The following CDK8 variants were observed in gnomAD, a reference collection of about 807,000 sequenced individuals.
The protein encoded by CDK8 is cyclin-dependent kinase 8.
A neutral mutation model predicts 71.5 loss-of-function variants in CDK8; 29 were observed. The observed-to-expected ratio is 0.41, with a 90% CI of 0.30 to 0.55. The LOEUF is 0.55. Among genes scored for constraint, CDK8 ranks in the 20% least tolerant of loss-of-function variants. The probability of loss-of-function intolerance (pLI) is 0.37; values close to 1 mark genes in which losing one functional copy is unlikely to be tolerated. For missense variants in CDK8, 288 were observed against 572.6 expected (o/e 0.50, Z 5.07); for synonymous variants, 161 against 192.1 (o/e 0.84, Z 1.34).
intron 8 of CDK8, 74 bp downstream of exon 8, chr13:26,396,428 A>G (rs1360751078): frequency 5.7e-6 from 3 of 523,786 alleles, no homozygotes; most frequent in Non-Finnish European, 1.0e-5. Flanking sequence ...TGAATATTCA[A>G]CATAATAAAA....
In CDK8 at chr13:26,266,644, A is replaced by G. The variant is rs575932557; in HGVS notation, c.128+11875A>G. Among the ~76,000 whole-genome samples the G allele has an allele frequency of 3.9e-5, 6 of 152,306 alleles. No individual in the cohort carries two copies. In the East Asian group the frequency reaches 7.7e-4, roughly 20 times the overall value. Reference sequence around the variant, plus strand: ...AAATAAACGAAATAAAACTTCAGCTAAAGATTTTTGGATACCAAAGCTTAA... The same window carrying G: ...AAATAAACGAAATAAAACTTCAGCTGAAGATTTTTGGATACCAAAGCTTAA... On this transcript the variant is annotated intron_variant, in intron 1 of 12. Coordinates refer to ENST00000381527, the MANE Select transcript of CDK8 (RefSeq NM_001260.3).
rs186574081 is a variant in CDK8 at position 26,364,781 on chromosome 13, C to T, written c.456+10901C>T. 1.7e-4 allele frequency among the ~76,000 whole-genome samples: 26 copies of T among 152,206 alleles called. 1 individual carries two copies. Among genetic ancestry groups the T allele is most frequent in the Admixed American group, 1.6e-3 (24 of 15,290 alleles). ...TTTAAAATAGCCATATATACACTTT[C>T]TTTCTTTCTAAAAAGAGGCATTAGT... On this transcript the variant is annotated intron_variant, in intron 4 of 12. Coordinates refer to ENST00000381527, the MANE Select transcript of CDK8 (RefSeq NM_001260.3).
At chr13:26,393,123 T>A (rs147014263) in intron 6 of CDK8, among the ~76,000 whole-genome samples, 1 of 152,190 alleles carries the variant, frequency 6.6e-6, no homozygotes, top group Non-Finnish European at 1.5e-5. Context: ...GGTATGGAGG[T>A]ATACAGAATG....
chr13:26,362,222 AGATGGATGGATGGATGGATGGATGGATG>A (rs66479948), intron 4 of CDK8, among the ~76,000 whole-genome samples: 1 of 146,654 alleles, frequency 6.8e-6, no homozygotes, highest in Non-Finnish European at 1.5e-5. Context: ...GATAGATGAT[AGATGGATGGATGGATGGATGGATGGATG>A]GATGGATGGA....
chr13:26,278,693 A>T lies in CDK8; in HGVS notation c.128+23924A>T, dbSNP rs575566798. On this transcript the variant is annotated intron_variant, in intron 1 of 12. Transcript: ENST00000381527. Reference sequence around the variant, plus strand: ...AAAGATGTTAAATTATTCCAAAAGTAATAGACACTGACTTGGAGAGGTTTT... The same window carrying T: ...AAAGATGTTAAATTATTCCAAAAGTTATAGACACTGACTTGGAGAGGTTTT... Among the ~76,000 whole-genome samples the T allele has an allele frequency of 5.3e-5, 8 of 152,260 alleles. No homozygotes were observed. In the South Asian group the frequency reaches 1.7e-3, roughly 32 times the overall value.
chr13:26,328,310 A>T (rs1490553756), intron 1 of CDK8, among the ~76,000 whole-genome samples: 3 of 152,228 alleles, frequency 2.0e-5, no homozygotes, highest in Non-Finnish European at 4.4e-5. Flanking sequence ...AGTGATTATG[A>T]TTATTTCAGC....
At chr13:26,368,971 T>A (rs1874523223) in intron 4 of CDK8, among the ~76,000 whole-genome samples, 1 of 152,182 alleles carries the variant, frequency 6.6e-6, no homozygotes, top group African/African-American at 2.4e-5. Context: ...TAGATTCCGC[T>A]TGCTAATACT....
At chr13:26,340,630 G>A (rs117565564) in intron 2 of CDK8, among the ~76,000 whole-genome samples, 2,008 of 152,288 alleles carry the variant, frequency 0.013, 23 homozygotes, top group Non-Finnish European at 0.022. Context: ...CTTCCTCGAA[G>A]AAGTTGTGCG....
intron 4 of CDK8, among the ~76,000 whole-genome samples, chr13:26,361,388 G>A (rs1441826372): frequency 2.6e-5 from 4 of 152,102 alleles, no homozygotes; most frequent in Non-Finnish European, 4.4e-5. Context: ...CCCCTCATAA[G>A]TTGAAAATAT....
intron 5 of CDK8, 26 bp from the exon 6 acceptor site, chr13:26,385,185 A>G (rs1040734044): frequency 6.4e-7 from 1 of 1,563,778 alleles, no homozygotes; most frequent in Non-Finnish European, 8.7e-7. Context: ...TTTACTTAGC[A>G]TGATTTTTTT....
chr13:26,314,874 CT>C (rs1452094206), intron 1 of CDK8, among the ~76,000 whole-genome samples: 2 of 151,968 alleles, frequency 1.3e-5, no homozygotes, highest in East Asian at 3.8e-4. Context: ...TCTGTATGGT[CT>C]TTTATACAAT....
At chr13:26,398,333 G>A (rs567499509) in intron 9 of CDK8, among the ~76,000 whole-genome samples, 2 of 152,150 alleles carry the variant, frequency 1.3e-5, no homozygotes, top group Non-Finnish European at 2.9e-5. Context: ...AGTGGCAGAA[G>A]ATTAGAAGTC....
At position 26,401,471 on chromosome 13, in the gene CDK8, CCAG is replaced by C. The variant is rs766822155; in HGVS notation, c.1129_1131del (p.Gln377del). The C allele has an allele frequency of 8.7e-6, 14 of 1,608,144 alleles. No homozygotes were observed. Among genetic ancestry groups the C allele is most frequent in the Admixed American group, 3.3e-5 (2 of 59,810 alleles). ...TTTCTGTTTAACCAATTGAGAAGAA[CCAG>C]CAGCAGCAGCAGGGCAATAACCACA... On this transcript the variant is annotated inframe_deletion, in exon 12 of 13. Coordinates refer to ENST00000381527, the MANE Select transcript of CDK8 (RefSeq NM_001260.3). The surrounding 1 kb of genome is among the most constrained non-coding windows in gnomAD (Gnocchi z 4.5).
chr13:26,337,748 T>A (rs998544934), intron 2 of CDK8, 106 bp downstream of exon 2: 24 of 435,936 alleles, frequency 5.5e-5, no homozygotes, highest in Non-Finnish European at 9.9e-5. Flanking sequence ...TTAGTGAATA[T>A]TTTTATATCA....
chr13:26,334,426 G>T (rs1565976594), intron 1 of CDK8, among the ~76,000 whole-genome samples: 1 of 152,110 alleles, frequency 6.6e-6, no homozygotes, highest in Non-Finnish European at 1.5e-5. Flanking sequence ...AGACTATTCT[G>T]ATTCCAATTT....
At chr13:26,361,566 G>T (rs565898063) in intron 4 of CDK8, among the ~76,000 whole-genome samples, 2 of 152,086 alleles carry the variant, frequency 1.3e-5, no homozygotes, top group East Asian at 3.9e-4. Flanking sequence ...GTGATTTATT[G>T]AATACTACAC....
At chr13:26,344,028 C>T (rs1182571442) in intron 2 of CDK8, among the ~76,000 whole-genome samples, 2 of 152,040 alleles carry the variant, frequency 1.3e-5, no homozygotes, top group East Asian at 1.9e-4. Context: ...AACAGTTTTT[C>T]ACCCCTTCCC....
intron 1 of CDK8, among the ~76,000 whole-genome samples, chr13:26,299,651 C>T (rs180824910): frequency 9.9e-5 from 15 of 152,174 alleles, no homozygotes; most frequent in Non-Finnish European, 1.9e-4. Flanking sequence ...GGTTTCATTC[C>T]GGGTGTGAGT....
intron 1 of CDK8, among the ~76,000 whole-genome samples, chr13:26,272,707 T>C (rs980829890): frequency 4.6e-5 from 7 of 152,216 alleles, no homozygotes; most frequent in African/African-American, 1.7e-4. Context: ...CATAACGGTA[T>C]GTGCTATACA....
Sources: gnomAD v4.1 joint callset for allele counts (sites outside exome capture counted in the v4.1 genomes callset) on GRCh38, gnomAD v4.1.1 for gene constraint, Gnocchi (gnomAD v3.1) non-coding constraint, MANE v1.5 for transcripts, NCBI Gene and HGNC (gene_info 2026-07-23, HGNC 2026-07-21) for gene names.